ITPKB: variants seen among roughly 807,000 people sequenced by gnomAD.
ITPKB encodes IP3 3-kinase B.
A neutral mutation model predicts 69.4 loss-of-function variants in ITPKB; 13 were observed. That is an observed-to-expected ratio of 0.19 (90% CI 0.12 to 0.30). ITPKB has a LOEUF of 0.30. Among genes scored for constraint, ITPKB ranks in the 10% least tolerant of loss-of-function variants. The pLI is 1.00. For missense variants in ITPKB, 1,240 were observed against 1,250.5 expected, an observed-to-expected ratio of 0.99 and a Z score of 0.13; for synonymous variants, 584 against 513.7, an observed-to-expected ratio of 1.14 and a Z score of -1.85.
intron 2 of ITPKB, among the ~76,000 whole-genome samples, chr1:226,685,883 G>A (rs548846810): frequency 3.9e-5 from 6 of 152,352 alleles, no homozygotes; most frequent in African/African-American, 7.2e-5. Flanking sequence ...GTGCCGCGGT[G>A]AGCTGTGGGG....
At chr1:226,721,407 T>C (rs551753506) in intron 2 of ITPKB, among the ~76,000 whole-genome samples, 114 of 150,492 alleles carry the variant, frequency 7.6e-4, no homozygotes, top group African/African-American at 2.7e-3. Flanking sequence ...GACTCCTCCA[T>C]CCTATCCTTT....
Position 226,642,845 on chromosome 1 carries a change from T to TG in ITPKB, c.2247-721dup, listed in dbSNP as rs1206418168. On this transcript the variant is annotated intron_variant, in intron 4 of 7. Transcript: ENST00000429204. The surrounding 1 kb of genome is among the most constrained non-coding windows in gnomAD (Gnocchi z 6.4). ...TGCTGCTCTCAGGCAGCCTGAAGGC[T>TG]GAGCCTGCCCATAAGTGTCTCTGGC... Among the ~76,000 whole-genome samples the TG allele has an allele frequency of 6.6e-6, 1 of 152,230 alleles. No homozygotes were observed. Among genetic ancestry groups the TG allele is most frequent in the African/African-American group, 2.4e-5 (1 of 41,460 alleles).
In ITPKB at chr1:226,736,467, C is replaced by T. The variant is rs748048875; in HGVS notation, c.992G>A (p.Arg331His). The change falls in exon 2 of 8, where the codon CGT becomes CAT. Residue 331 changes from arginine to histidine, a missense_variant. By Grantham distance (29) the Arg-to-His change is conservative. Transcript: ENST00000429204. ...TGGGGGCTGCAGGTCCTCAAGCTCA[C>T]GGGCTCTCCCAGACGGCTCAGTGAG... ...LALTEPSGRA[R>H]ELEDLQPPEA... The T allele has an allele frequency of 6.2e-6, 10 of 1,613,808 alleles. No individual in the cohort carries two copies. The highest frequency in any genetic ancestry group is 2.2e-5 in the East Asian group (1 of 44,890).
rs1398765785 is a variant in ITPKB at position 226,633,048 on chromosome 1, C to T, written c.*1623G>A. The T allele has an allele frequency of 6.6e-6, 1 of 152,216 alleles. No homozygotes were observed. Among genetic ancestry groups the T allele is most frequent in the Non-Finnish European group, 1.5e-5 (1 of 68,040 alleles). 9.4% of individuals were successfully genotyped at this position (152,216 alleles called of 1,614,324 possible). A position where few individuals can be genotyped will look rare whatever the true frequency, so the allele number is the denominator to read the frequency against. ...CGTGTGTGACCTTTAGCAAGTCGGC[C>T]CACACAGGAGCTCACCACTGTTTTA... is the stretch of plus-strand genomic sequence containing the variant. On this transcript the variant is annotated 3_prime_UTR_variant, in exon 8 of 8. Coordinates refer to ENST00000429204, the MANE Select transcript of ITPKB (RefSeq NM_002221.4).
At chr1:226,690,355 G>C (rs1169391899) in intron 2 of ITPKB, among the ~76,000 whole-genome samples, 1 of 152,144 alleles carries the variant, frequency 6.6e-6, no homozygotes, top group Non-Finnish European at 1.5e-5. Context: ...CTTAGATGTA[G>C]ACAACCAGGC....
rs995640106 is a variant in ITPKB, at chr1:226,739,065, C to T, written c.-230G>A. 2.0e-5 allele frequency: 3 copies of T among 152,200 alleles called. No individual in the cohort carries two copies. The highest frequency in any genetic ancestry group is 7.2e-5 in the African/African-American group (3 of 41,424). The allele number at this position is 152,200 out of a possible 1,614,324, so 9.4% of individuals were successfully genotyped here. A position where few individuals can be genotyped will look rare whatever the true frequency, so the allele number is the denominator to read the frequency against. On this transcript the variant is annotated 5_prime_UTR_variant, in exon 1 of 8. Transcript: ENST00000429204. Reference sequence around the variant, plus strand: ...CCTGCAGTTTCTCAGATTCTCAGGTCCTGTGTAGACTACATGCCCAGAGGC... The same window carrying T: ...CCTGCAGTTTCTCAGATTCTCAGGTTCTGTGTAGACTACATGCCCAGAGGC...
intron 2 of ITPKB, among the ~76,000 whole-genome samples, chr1:226,720,015 G>A (rs1657193594): frequency 6.6e-6 from 1 of 152,188 alleles, no homozygotes; most frequent in South Asian, 2.1e-4. Flanking sequence ...GCCCTTTAGG[G>A]TTAAGAGTTC....
Position 226,737,532 on chromosome 1 carries a change from G to A in ITPKB, c.-74C>T. The A allele has an allele frequency of 1.5e-6, 2 of 1,365,788 alleles. No homozygotes were observed. The highest frequency in any genetic ancestry group is 1.9e-6 in the Non-Finnish European group (2 of 1,062,768). The allele number at this position is 1,365,788 out of a possible 1,614,324, so 84.6% of individuals were successfully genotyped here. On this transcript the variant is annotated 5_prime_UTR_variant, in exon 2 of 8. Coordinates refer to ENST00000429204, the MANE Select transcript of ITPKB (RefSeq NM_002221.4). ...GCCGCCGGCGCCTCCTCCTCCCGGC[G>A]CTCCCGGCTCAGCCCCGGAGGCCCG...
chr1:226,672,233 G>A (rs1040621817), intron 2 of ITPKB, among the ~76,000 whole-genome samples: 8 of 152,096 alleles, frequency 5.3e-5, no homozygotes, highest in Admixed American at 4.6e-4. Flanking sequence ...GTGTGACAGC[G>A]ATCACGTCTC....
At chr1:226,722,642 G>C (rs1486092516) in intron 2 of ITPKB, among the ~76,000 whole-genome samples, 1 of 152,128 alleles carries the variant, frequency 6.6e-6, no homozygotes, top group Non-Finnish European at 1.5e-5. Context: ...GACCACCCCT[G>C]AGGTCAACAC....
chr1:226,715,293 C>T (rs1657067534), intron 2 of ITPKB, among the ~76,000 whole-genome samples: 1 of 152,236 alleles, frequency 6.6e-6, no homozygotes, highest in Non-Finnish European at 1.5e-5. Context: ...TTTCTGAAAG[C>T]TAGTTAGTCG....
chr1:226,715,616 A>G (rs1657076013), intron 2 of ITPKB, among the ~76,000 whole-genome samples: 1 of 152,240 alleles, frequency 6.6e-6, no homozygotes, highest in Admixed American at 6.5e-5. Context: ...ATTCAAATAA[A>G]CCAAACACAA....
At chr1:226,730,394 G>A (rs1311746304) in intron 2 of ITPKB, among the ~76,000 whole-genome samples, 1 of 152,182 alleles carries the variant, frequency 6.6e-6, no homozygotes, top group African/African-American at 2.4e-5. Context: ...GGTTTGGTGT[G>A]ACTTTTGTTA....
At chr1:226,683,102 G>A (rs1656125374) in intron 2 of ITPKB, among the ~76,000 whole-genome samples, 1 of 152,204 alleles carries the variant, frequency 6.6e-6, no homozygotes, top group South Asian at 2.1e-4. Context: ...AGCCAGCACT[G>A]CAACCTGTCA....
chr1:226,680,377 G>A (rs1398674407), intron 2 of ITPKB, among the ~76,000 whole-genome samples: 1 of 152,214 alleles, frequency 6.6e-6, no homozygotes, highest in East Asian at 1.9e-4. Flanking sequence ...AGAGAGGGGG[G>A]AGGTAGGGAA....
intron 2 of ITPKB, among the ~76,000 whole-genome samples, chr1:226,711,767 G>A (rs778241665): frequency 2.9e-4 from 44 of 152,074 alleles, no homozygotes; most frequent in Non-Finnish European, 3.4e-4. Flanking sequence ...TAGGGTGTCT[G>A]CTCATACTTA....
intron 2 of ITPKB, among the ~76,000 whole-genome samples, chr1:226,689,610 T>C (rs940934385): frequency 2.7e-5 from 4 of 147,406 alleles, no homozygotes; most frequent in East Asian, 2.0e-4. Context: ...TGTGTGTGTG[T>C]GTGCATGCAT....
At chr1:226,725,698 T>C (rs1005502904) in intron 2 of ITPKB, among the ~76,000 whole-genome samples, 1 of 152,208 alleles carries the variant, frequency 6.6e-6, no homozygotes, top group Admixed American at 6.5e-5. Flanking sequence ...CCTTCCCTGG[T>C]GTCTGTTACA....
intron 2 of ITPKB, among the ~76,000 whole-genome samples, chr1:226,654,982 G>C (rs924237206): frequency 5.9e-5 from 9 of 151,426 alleles, no homozygotes; most frequent in African/African-American, 2.2e-4. Context: ...GAAGAGGAGA[G>C]AGAAGGGAGA....
Sources: gnomAD v4.1 joint callset for allele counts (sites outside exome capture counted in the v4.1 genomes callset) on GRCh38, gnomAD v4.1.1 for gene constraint, Gnocchi (gnomAD v3.1) non-coding constraint, MANE v1.5 for transcripts, NCBI Gene and HGNC (gene_info 2026-07-23, HGNC 2026-07-21) for gene names.